Variants in PLXNA2 observed in about 807,000 individuals in gnomAD.
PLXNA2 encodes plexin A2, also known as plexin-A2.
A neutral mutation model predicts 193.5 loss-of-function variants in PLXNA2; 91 were observed. The ratio of observed to expected loss-of-function variants is 0.47; its 90% CI spans 0.40 to 0.56. The LOEUF is 0.56. PLXNA2 is among the 20% of genes least tolerant of loss of function. PLXNA2 has a pLI of 0.00. For synonymous variants in PLXNA2, 997 were observed against 1,027.3 expected, an observed-to-expected ratio of 0.97 and a Z score of 0.56; for missense variants, 1,995 against 2,503.2, an observed-to-expected ratio of 0.80 and a Z score of 4.33.
intron 3 of PLXNA2, among the ~76,000 whole-genome samples, chr1:208,164,262 T>C (rs1173889323): frequency 6.6e-6 from 1 of 152,164 alleles, no homozygotes; most frequent in African/African-American, 2.4e-5. Context: ...CTCTTTTTTG[T>C]TCCCCAAAAC....
In PLXNA2 at chr1:208,043,100, G is replaced by A. The variant is rs1302998610; in HGVS notation, c.3978C>T (p.Phe1326=). 4 of 1,613,970 alleles carry A rather than the reference G, an allele frequency of 2.5e-6. No homozygotes were observed. Among genetic ancestry groups the A allele is most frequent in the African/African-American group, 2.7e-5 (2 of 74,944 alleles). ...DYRTYAMRVL[F]PGIEDHPVLR... is the part of the protein sequence containing the mutation. ...GGACGGGGTGGTCCTCGATGCCCGG[G>A]AACAGGACTCGCATAGCGTAGGTAC... The change falls in exon 21 of 32, where the codon TTC becomes TTT. Residue 1326 remains phenylalanine (F), a synonymous_variant. Transcript: ENST00000367033.
chr1:208,085,020 G>C (rs1346659579), intron 9 of PLXNA2, among the ~76,000 whole-genome samples: 1 of 151,306 alleles, frequency 6.6e-6, no homozygotes, highest in African/African-American at 2.4e-5. Flanking sequence ...TCCCAGCCCC[G>C]ACTGAGCTAG....
intron 29 of PLXNA2, 78 bp from the exon 30 acceptor site, chr1:208,029,120 T>A (rs767932078): frequency 6.4e-7 from 1 of 1,573,734 alleles, no homozygotes; most frequent in Non-Finnish European, 8.6e-7. Context: ...TTCTTCCCCA[T>A]CAAAGGTCAA....
At position 208,043,217 on chromosome 1, in the gene PLXNA2, C is replaced by A. The variant is rs1206057589; in HGVS notation, c.3875-14G>T. ...GCTCAGCAAAAGCTATGAGAATAAG[C>A]AGACGGAGAGGCTCGTGGGGAAGCC... is the stretch of plus-strand genomic sequence containing the variant. On this transcript the variant is annotated splice_polypyrimidine_tract_variant and intron_variant, in intron 20 of 31. Transcript: ENST00000367033. 6.2e-7 allele frequency: 1 copy of A among 1,609,800 alleles called. No homozygotes were observed. Among genetic ancestry groups the A allele is most frequent in the Non-Finnish European group, 8.5e-7 (1 of 1,176,720 alleles).
In PLXNA2 at chr1:208,162,914, GC is replaced by G. The variant is rs1401265053; in HGVS notation, c.1372-20452del. Among the ~76,000 whole-genome samples the G allele has an allele frequency of 2.0e-5, 3 of 152,300 alleles. No individual in the cohort carries two copies. In the East Asian group the frequency reaches 5.8e-4, roughly 29 times the overall value. On this transcript the variant is annotated intron_variant, in intron 3 of 31. Transcript: ENST00000367033. ...GAAATACAAGCAACTCACATACAAGGCTGACTCTGCTAAGTGCTGTAACCAA... is the reference window on the plus strand; with the variant it reads ...GAAATACAAGCAACTCACATACAAGGTGACTCTGCTAAGTGCTGTAACCAA...
In PLXNA2 at chr1:208,042,084, G is replaced by A. The variant is rs757488656; in HGVS notation, c.4286+14C>T. 44 of 1,611,532 alleles carry A rather than the reference G, an allele frequency of 2.7e-5. No homozygotes were observed. Among genetic ancestry groups the A allele is most frequent in the Admixed American group, 1.0e-4 (6 of 59,872 alleles). ...ACTCCTGCCACCCTCTCCACCCACT[G>A]CTGCGGGCCAGACCTCCGGAGTAGC... On this transcript the variant is annotated intron_variant, in intron 22 of 31. Transcript: ENST00000367033.
Position 208,082,345 on chromosome 1 carries a change from C to T in PLXNA2, c.2395+67G>A, listed in dbSNP as rs1666372194. 4 of 1,257,860 alleles carry T rather than the reference C, an allele frequency of 3.2e-6. No homozygotes were observed. In the South Asian group the frequency reaches 3.7e-5, roughly 12 times the overall value. 77.9% of individuals were successfully genotyped at this position (1,257,860 alleles called of 1,614,324 possible). On this transcript the variant is annotated intron_variant, in intron 11 of 31. Coordinates refer to ENST00000367033, the MANE Select transcript of PLXNA2 (RefSeq NM_025179.4). The surrounding 1 kb of genome is among the most constrained non-coding windows in gnomAD (Gnocchi z 4.2). Reference sequence around the variant, plus strand: ...GGCACAGCGGCTGGCTGGCTCTGATCCCTCTAGCCCCAGTCTTTCCCGGGG... The same window carrying T: ...GGCACAGCGGCTGGCTGGCTCTGATTCCTCTAGCCCCAGTCTTTCCCGGGG...
chr1:208,061,991 C>A (rs1221588179), intron 12 of PLXNA2, among the ~76,000 whole-genome samples: 2 of 152,084 alleles, frequency 1.3e-5, no homozygotes, highest in African/African-American at 4.8e-5. Flanking sequence ...AAGCTTTGAA[C>A]AACTTGTATA....
chr1:208,235,802 T>C lies in PLXNA2; in HGVS notation c.-81+7841A>G, dbSNP rs949579861. Among the ~76,000 whole-genome samples, 3 of 152,198 alleles carry C rather than the reference T, an allele frequency of 2.0e-5. No individual in the cohort carries two copies. The East Asian group carries it at 5.8e-4, about 29-fold the overall frequency. On this transcript the variant is annotated intron_variant, in intron 1 of 31. Coordinates refer to ENST00000367033, the MANE Select transcript of PLXNA2 (RefSeq NM_025179.4). ...TCCAGCTCCCCATGCAGTTCAGATC[T>C]TTCTCTCTAAGTCTGTGGGCCAAGA...
In PLXNA2 at chr1:208,054,521, C is replaced by T; in HGVS notation, c.2756G>A (p.Gly919Asp). 6.2e-7 allele frequency: 1 copy of T among 1,613,784 alleles called. No individual in the cohort carries two copies. The highest frequency in any genetic ancestry group is 8.5e-7 in the Non-Finnish European group (1 of 1,179,654). The change falls in exon 14 of 32, where the codon GGC becomes GAC. Residue 919 changes from glycine (G) to aspartate (D), a missense_variant. By Grantham distance (94) the Gly-to-Asp change is moderately conservative. Around this residue, in one of 3 missense-constraint regions of PLXNA2, gnomAD observed 1,291 missense variants for 1,673.6 expected, o/e 0.77. Transcript: ENST00000367033. The part of the protein sequence containing the change: ...IIAEQIVCEM[G>D]HALVGTTSGP... ...GGAGGTGGTTCCCACGAGGGCATGG[C>T]CCATCTCACAGACAATCCTGGGGAG...
rs948163254 is a variant in PLXNA2 at position 208,024,944 on chromosome 1, A to G, written c.*2299T>C. ...TATCTCCTTTCCTTTTATCTCCATA[A>G]ATTATGGGCTCTGCGCTGATAAGCT... On this transcript the variant is annotated 3_prime_UTR_variant, in exon 32 of 32. Coordinates refer to ENST00000367033, the MANE Select transcript of PLXNA2 (RefSeq NM_025179.4). The G allele has an allele frequency of 6.6e-6, 1 of 152,422 alleles. No individual in the cohort carries two copies. Among genetic ancestry groups the G allele is most frequent in the Non-Finnish European group, 1.5e-5 (1 of 68,026 alleles). 9.4% of individuals were successfully genotyped at this position (152,422 alleles called of 1,614,324 possible).
chr1:208,211,568 CTGTAG>C (rs952551044), intron 2 of PLXNA2, among the ~76,000 whole-genome samples: 5 of 152,092 alleles, frequency 3.3e-5, no homozygotes, highest in African/African-American at 1.2e-4. Context: ...TGGTGTGTGC[CTGTAG>C]TCCCAGCTAC....
At chr1:208,157,310 A>G (rs1668967915) in intron 3 of PLXNA2, among the ~76,000 whole-genome samples, 1 of 152,188 alleles carries the variant, frequency 6.6e-6, no homozygotes. Flanking sequence ...GTTCTAAGAC[A>G]GTTATCATTC....
chr1:208,027,030 A>T lies in PLXNA2; in HGVS notation c.*213T>A. ...CCCGGGTTCTCTGGTGTTCTCACTG[A>T]GGATGGACGACGCCCACTGTCTCTC... On this transcript the variant is annotated 3_prime_UTR_variant, in exon 32 of 32. Coordinates refer to ENST00000367033, the MANE Select transcript of PLXNA2 (RefSeq NM_025179.4). 1 of 502,038 alleles carries T rather than the reference A, an allele frequency of 2.0e-6. No individual in the cohort carries two copies. Among genetic ancestry groups the T allele is most frequent in the Non-Finnish European group, 3.6e-6 (1 of 278,876 alleles). 31.1% of individuals were successfully genotyped at this position (502,038 alleles called of 1,614,324 possible).
At chr1:208,063,997 T>C (rs1166203197) in intron 12 of PLXNA2, among the ~76,000 whole-genome samples, 1 of 152,108 alleles carries the variant, frequency 6.6e-6, no homozygotes. Context: ...AACGAACTCT[T>C]AATTTTTCCT....
intron 9 of PLXNA2, among the ~76,000 whole-genome samples, chr1:208,090,922 T>C (rs1666685560): frequency 6.6e-6 from 1 of 152,190 alleles, no homozygotes; most frequent in Non-Finnish European, 1.5e-5. Context: ...GATTCTTTCA[T>C]TGGCTCCAAG....
chr1:208,077,684 G>A (rs1415324482), intron 12 of PLXNA2, among the ~76,000 whole-genome samples: 1 of 152,216 alleles, frequency 6.6e-6, no homozygotes, highest in Non-Finnish European at 1.5e-5. Context: ...AGCAGCTCAG[G>A]AAGCTAGCTG....
chr1:208,028,699 G>T lies in PLXNA2; in HGVS notation c.5438+131C>A. ...CCTTCCTCCCGCAGCAGGGGGTGTG[G>T]CAGGGAGGGGAGTGGGAGGTCCTGA... On this transcript the variant is annotated intron_variant, in intron 30 of 31. Transcript: ENST00000367033. The surrounding 1 kb of genome is among the most constrained non-coding windows in gnomAD (Gnocchi z 4.2). 1.3e-6 allele frequency: 1 copy of T among 760,216 alleles called. No homozygotes were observed. Among genetic ancestry groups the T allele is most frequent in the Non-Finnish European group, 2.1e-6 (1 of 471,836 alleles). 47.1% of individuals were successfully genotyped at this position (760,216 alleles called of 1,614,324 possible). A position where few individuals can be genotyped will look rare whatever the true frequency, so the allele number is the denominator to read the frequency against.
rs1427420207 is a variant in PLXNA2, at chr1:208,103,212, A to G, written c.1542T>C (p.Tyr514=). The change falls in exon 5 of 32, where the codon TAT becomes TAC. Residue 514 remains tyrosine (Y), a synonymous_variant. Transcript: ENST00000367033. ...AGCTCAGGCACTCCCCACAAGTCGT[A>G]TACTGCTCACATGACTCCACGGGGA... ...TRVPVESCEQ[Y]TTCGECLSSG... 1 of 1,614,022 alleles carries G rather than the reference A, an allele frequency of 6.2e-7. No homozygotes were observed. Among genetic ancestry groups the G allele is most frequent in the African/African-American group, 1.3e-5 (1 of 74,940 alleles).
Sources: allele counts gnomAD v4.1 joint callset (sites outside exome capture counted in the v4.1 genomes callset), GRCh38; gene constraint gnomAD v4.1.1; regional missense constraint gnomAD v4.1.1; non-coding constraint Gnocchi (gnomAD v3.1); transcripts MANE v1.5; gene names NCBI Gene and HGNC (gene_info 2026-07-23, HGNC 2026-07-21).